The following ADGRL3 variants were observed in gnomAD, a reference collection of about 807,000 sequenced individuals.
The protein encoded by ADGRL3 is adhesion G protein-coupled receptor L3.
ADGRL3 carries 62 observed loss-of-function variants against 153.5 expected under a neutral mutation model. The observed-to-expected ratio is 0.40, with a 90% CI of 0.33 to 0.50. The LOEUF is 0.50. Ranked by LOEUF, ADGRL3 falls within the 20% of genes least tolerant of loss-of-function variation. ADGRL3 has a pLI of 0.47. For missense variants in ADGRL3, 1,641 were observed against 1,859.4 expected, an observed-to-expected ratio of 0.88 and a Z score of 2.16; for synonymous variants, 710 against 672.5, an observed-to-expected ratio of 1.06 and a Z score of -0.86.
At chr4:61,686,744 G>C (rs1025399118) in intron 6 of ADGRL3, among the ~76,000 whole-genome samples, 11 of 152,010 alleles carry the variant, frequency 7.2e-5, no homozygotes, top group Admixed American at 2.0e-4. Context: ...TAAAGGATAA[G>C]TCCTTCCCAT....
chr4:61,640,967 TC>T (rs532249603), intron 5 of ADGRL3, among the ~76,000 whole-genome samples: 9 of 152,170 alleles, frequency 5.9e-5, no homozygotes, highest in Non-Finnish European at 1.3e-4. Flanking sequence ...GTAAGCTCTT[TC>T]AAAATATATT....
chr4:61,487,051 C>G (rs2098203201), intron 2 of ADGRL3, among the ~76,000 whole-genome samples: 1 of 152,182 alleles, frequency 6.6e-6, no homozygotes, highest in Non-Finnish European at 1.5e-5. Context: ...TAGCTATACT[C>G]TAGGTCTTCA....
At chr4:61,945,707 G>A (rs1303185181) in intron 15 of ADGRL3, among the ~76,000 whole-genome samples, 6 of 150,298 alleles carry the variant, frequency 4.0e-5, no homozygotes, top group African/African-American at 9.8e-5. Context: ...TTCCAGGTGC[G>A]TCCGTCACCC....
intron 1 of ADGRL3, among the ~76,000 whole-genome samples, chr4:61,278,099 A>G (rs1428044929): frequency 6.6e-6 from 1 of 152,150 alleles, no homozygotes; most frequent in Non-Finnish European, 1.5e-5. Flanking sequence ...CTGGATCTTG[A>G]TACTTAAAAT....
chr4:61,948,359 C>A (rs1277777714), intron 17 of ADGRL3, 83 bp downstream of exon 17: 3 of 956,404 alleles, frequency 3.1e-6, no homozygotes, highest in East Asian at 2.7e-5. Flanking sequence ...TATGGGCTAT[C>A]ATATTTCAAT....
chr4:61,733,685 T>G (rs1235445747), intron 8 of ADGRL3, 131 bp downstream of exon 8: 1 of 686,418 alleles, frequency 1.5e-6, no homozygotes, highest in Admixed American at 2.9e-5. Flanking sequence ...TTCTTTGTCT[T>G]TGCATCTAAA....
At chr4:61,573,181 C>G (rs552982904) in intron 4 of ADGRL3, among the ~76,000 whole-genome samples, 2 of 151,924 alleles carry the variant, frequency 1.3e-5, no homozygotes, top group South Asian at 2.1e-4. Context: ...AAAGAATAAC[C>G]CCATTAAATA....
chr4:61,315,316 G>C (rs1158403759), intron 1 of ADGRL3, among the ~76,000 whole-genome samples: 2 of 152,150 alleles, frequency 1.3e-5, no homozygotes, highest in Non-Finnish European at 2.9e-5. Flanking sequence ...TGGATGGTAA[G>C]TATTTGCTTT....
In ADGRL3 at chr4:61,972,137, G is replaced by A. The variant is rs564938353; in HGVS notation, c.2806-7426G>A. Among the ~76,000 whole-genome samples, 194 of 152,014 alleles carry A rather than the reference G, an allele frequency of 1.3e-3. 2 individuals are homozygous for A. Among genetic ancestry groups the A allele is most frequent in the African/African-American group, 4.5e-3 (188 of 41,438 alleles). ...GTTCACTCTGATGATAGTTTCTTTT[G>A]CTGTGCAGAAGCTCTTTAGTTTAAT... is the stretch of plus-strand genomic sequence containing the variant. On this transcript the variant is annotated intron_variant, in intron 17 of 26. Transcript: ENST00000683033.
chr4:61,558,059 T>C (rs961362872), intron 4 of ADGRL3, among the ~76,000 whole-genome samples: 5 of 150,002 alleles, frequency 3.3e-5, no homozygotes, highest in African/African-American at 1.2e-4. Context: ...TGCATTTTAG[T>C]AGCTCTACTG....
chr4:61,613,552 TG>T (rs1560936269), intron 5 of ADGRL3, among the ~76,000 whole-genome samples: 1 of 152,304 alleles, frequency 6.6e-6, no homozygotes, highest in Non-Finnish European at 1.5e-5. Context: ...GAGACCAGCC[TG>T]GCCAACATGA....
At chr4:61,565,103 A>T (rs181558981) in intron 4 of ADGRL3, among the ~76,000 whole-genome samples, 1 of 152,330 alleles carries the variant, frequency 6.6e-6, no homozygotes, top group African/African-American at 2.4e-5. Flanking sequence ...CATTGGAAAA[A>T]TGGCACCAAT....
At chr4:61,757,678 G>A (rs1324176912) in intron 8 of ADGRL3, among the ~76,000 whole-genome samples, 1 of 152,096 alleles carries the variant, frequency 6.6e-6, no homozygotes, top group South Asian at 2.1e-4. Context: ...GAATGTGTTT[G>A]CTCTTGCTTC....
intron 4 of ADGRL3, among the ~76,000 whole-genome samples, chr4:61,530,603 T>C (rs949780295): frequency 1.3e-5 from 2 of 152,156 alleles, no homozygotes; most frequent in Admixed American, 6.5e-5. Context: ...AATATGTTAA[T>C]TCATTATTTA....
At chr4:61,372,231 G>C (rs1025960394) in intron 1 of ADGRL3, among the ~76,000 whole-genome samples, 1 of 152,160 alleles carries the variant, frequency 6.6e-6, no homozygotes, top group African/African-American at 2.4e-5. Flanking sequence ...CTCTCAGCTC[G>C]TCAAAGTCAT....
At chr4:61,718,435 A>G (rs1372971170) in intron 6 of ADGRL3, among the ~76,000 whole-genome samples, 1 of 152,204 alleles carries the variant, frequency 6.6e-6, no homozygotes, top group Non-Finnish European at 1.5e-5. Flanking sequence ...GTTACTTTCT[A>G]GTAAGTTAGC....
chr4:61,507,963 A>T (rs1017740779), intron 3 of ADGRL3, among the ~76,000 whole-genome samples: 11 of 152,166 alleles, frequency 7.2e-5, no homozygotes, highest in Non-Finnish European at 1.3e-4. Context: ...CCATACCATT[A>T]AAAAATTTAT....
intron 11 of ADGRL3, among the ~76,000 whole-genome samples, chr4:61,900,253 T>G (rs2098656854): frequency 6.6e-6 from 1 of 152,192 alleles, no homozygotes; most frequent in Admixed American, 6.5e-5. Context: ...CTGACTTTAG[T>G]TCAAAAAAGA....
chr4:61,726,324 G>T (rs546729280), intron 6 of ADGRL3, among the ~76,000 whole-genome samples: 1 of 150,984 alleles, frequency 6.6e-6, no homozygotes, highest in African/African-American at 2.4e-5. Context: ...TCAGCCTCCC[G>T]AGTTGCTGGG....
Sources: gnomAD v4.1 joint callset for allele counts (sites outside exome capture counted in the v4.1 genomes callset) on GRCh38, gnomAD v4.1.1 for gene constraint, MANE v1.5 for transcripts, NCBI Gene and HGNC (gene_info 2026-07-23, HGNC 2026-07-21) for gene names.